The following MYO1D variants were observed in gnomAD, a reference collection of about 807,000 sequenced individuals.
MYO1D encodes the protein myosin ID.
In MYO1D, 83 loss-of-function variants were observed where a neutral mutation model predicts 122.0. That is an observed-to-expected ratio of 0.68 (90% confidence interval 0.57 to 0.82). The LOEUF (loss-of-function observed/expected upper bound fraction) is 0.82, where lower values mean the gene tolerates loss of function less well. MYO1D is among the 40% of genes least tolerant of loss of function. The probability of loss-of-function intolerance (pLI) is 0.00; values close to 1 mark genes in which losing one functional copy is unlikely to be tolerated. For synonymous variants in MYO1D, 464 were observed against 446.9 expected (o/e 1.04, Z -0.48); for missense variants, 1,157 against 1,269.5 (o/e 0.91, Z 1.35).
chr17:32,649,955 A>G (rs2088365330), intron 19 of MYO1D, among the ~76,000 whole-genome samples: 1 of 152,200 alleles, frequency 6.6e-6, no homozygotes, highest in South Asian at 2.1e-4. Context: ...TTATGCTGCC[A>G]TAAACATTGG....
chr17:32,556,648 G>A (rs2087071044), intron 21 of MYO1D, among the ~76,000 whole-genome samples: 1 of 151,306 alleles, frequency 6.6e-6, no homozygotes, highest in African/African-American at 2.4e-5. Flanking sequence ...GCCTCCCAAA[G>A]TGTCTGGATT....
chr17:32,716,526 C>T (rs2089449091), intron 15 of MYO1D, among the ~76,000 whole-genome samples: 1 of 152,148 alleles, frequency 6.6e-6, no homozygotes, highest in African/African-American at 2.4e-5. Context: ...CATTTAAAGC[C>T]TACTCACTTG....
chr17:32,765,562 C>A (rs1461586650), intron 7 of MYO1D, among the ~76,000 whole-genome samples: 1 of 151,928 alleles, frequency 6.6e-6, no homozygotes, highest in Non-Finnish European at 1.5e-5. Flanking sequence ...GGGTTCACGC[C>A]ATTCTCCTGC....
In MYO1D at chr17:32,711,327, C is replaced by T. The variant is rs552876654; in HGVS notation, c.2121+661G>A. ...AAGGAGGCAATTTCAAACATGTTGG[C>T]AACATTTTTTACTTACAAGATTTAA... On this transcript the variant is annotated intron_variant, in intron 16 of 21. Transcript: ENST00000318217. Among the ~76,000 whole-genome samples the T allele has an allele frequency of 1.1e-4, 17 of 152,252 alleles. 1 individual carries two copies. The South Asian group carries it at 2.5e-3, about 22-fold the overall frequency.
chr17:32,815,431 T>C (rs1459471196), intron 1 of MYO1D, among the ~76,000 whole-genome samples: 1 of 152,206 alleles, frequency 6.6e-6, no homozygotes, highest in African/African-American at 2.4e-5. Flanking sequence ...GGCTCAAGAA[T>C]TGTGAGAACT....
At chr17:32,611,447 G>C (rs1342607124) in intron 20 of MYO1D, among the ~76,000 whole-genome samples, 1 of 147,856 alleles carries the variant, frequency 6.8e-6, no homozygotes, top group Non-Finnish European at 1.5e-5. Flanking sequence ...AGAAGTTTTA[G>C]ACCTGTAGAA....
intron 15 of MYO1D, among the ~76,000 whole-genome samples, chr17:32,712,640 C>T (rs2089393171): frequency 6.6e-6 from 1 of 152,094 alleles, no homozygotes; most frequent in Non-Finnish European, 1.5e-5. Flanking sequence ...ATGTAACTTT[C>T]CTCAAAGGAA....
chr17:32,561,199 C>T (rs534574773), intron 21 of MYO1D, among the ~76,000 whole-genome samples: 1 of 152,230 alleles, frequency 6.6e-6, no homozygotes, highest in Admixed American at 6.5e-5. Context: ...GTGTGAGCCA[C>T]AAAGCCCAGT....
chr17:32,816,696 T>C (rs907529933), intron 1 of MYO1D, among the ~76,000 whole-genome samples: 9 of 151,392 alleles, frequency 5.9e-5, no homozygotes, highest in Non-Finnish European at 1.0e-4. Flanking sequence ...AGTTACTTCA[T>C]TGTTTTTATA....
At chr17:32,554,425 T>C (rs537147231) in intron 21 of MYO1D, among the ~76,000 whole-genome samples, 6 of 152,320 alleles carry the variant, frequency 3.9e-5, no homozygotes, top group African/African-American at 1.4e-4. Context: ...TCAGTTATCT[T>C]TGAAATACAG....
chr17:32,873,289 T>G (rs1026291565), intron 1 of MYO1D, among the ~76,000 whole-genome samples: 1 of 152,188 alleles, frequency 6.6e-6, no homozygotes, highest in East Asian at 1.9e-4. Context: ...CCTTGAGTGC[T>G]TGACTATTAC....
intron 4 of MYO1D, among the ~76,000 whole-genome samples, chr17:32,774,641 T>C (rs765376444): frequency 6.6e-6 from 1 of 152,176 alleles, no homozygotes; most frequent in East Asian, 1.9e-4. Context: ...TATGAGTTCA[T>C]TCAAAAGGAT....
In MYO1D at chr17:32,492,798, A is replaced by G. The variant is rs1311476420; in HGVS notation, c.*1961T>C. The G allele has an allele frequency of 6.6e-6, 1 of 152,528 alleles. No individual in the cohort carries two copies. The highest frequency in any genetic ancestry group is 2.4e-5 in the African/African-American group (1 of 41,416). 9.4% of individuals were successfully genotyped at this position (152,528 alleles called of 1,614,324 possible). A position where few individuals can be genotyped will look rare whatever the true frequency, so the allele number is the denominator to read the frequency against. The stretch of plus-strand genomic sequence containing the variant: ...TCAGCGCCCGGGACACGTGACCGAG[A>G]TCATACCCTAAATTCCTGATCCTTT... On this transcript the variant is annotated 3_prime_UTR_variant, in exon 22 of 22. Coordinates refer to ENST00000318217, the MANE Select transcript of MYO1D (RefSeq NM_015194.3).
At chr17:32,795,411 A>C (rs62070168) in intron 1 of MYO1D, among the ~76,000 whole-genome samples, 4 of 150,932 alleles carry the variant, frequency 2.7e-5, no homozygotes, top group Non-Finnish European at 5.9e-5. Flanking sequence ...GGTTCTATTT[A>C]AATTTTTTTT....
intron 21 of MYO1D, among the ~76,000 whole-genome samples, chr17:32,595,536 C>T (rs749689728): frequency 1.3e-5 from 2 of 152,118 alleles, no homozygotes; most frequent in African/African-American, 4.8e-5. Context: ...TTTTTCCTTT[C>T]TTTCATACAG....
chr17:32,625,743 C>T (rs2087919517), intron 20 of MYO1D, among the ~76,000 whole-genome samples: 1 of 152,120 alleles, frequency 6.6e-6, no homozygotes, highest in African/African-American at 2.4e-5. Context: ...GTTGCCCAGG[C>T]TGGTCTCAAA....
chr17:32,720,340 G>C (rs963578812), intron 15 of MYO1D, among the ~76,000 whole-genome samples: 5 of 152,050 alleles, frequency 3.3e-5, no homozygotes, highest in South Asian at 4.2e-4. Flanking sequence ...CAAGTGTTTT[G>C]TATATATTAT....
chr17:32,684,513 T>C (rs1473726939), intron 16 of MYO1D, among the ~76,000 whole-genome samples: 3 of 152,208 alleles, frequency 2.0e-5, no homozygotes, highest in Non-Finnish European at 4.4e-5. Flanking sequence ...TTGAATAGAC[T>C]AAATATCTTT....
chr17:32,850,415 C>T (rs1407859982), intron 1 of MYO1D, among the ~76,000 whole-genome samples: 2 of 152,162 alleles, frequency 1.3e-5, no homozygotes, highest in African/African-American at 4.8e-5. Context: ...ACTCTTTCAC[C>T]ATGGGTACAA....
Sources: gnomAD v4.1 joint callset for allele counts (sites outside exome capture counted in the v4.1 genomes callset) on GRCh38, gnomAD v4.1.1 for gene constraint, MANE v1.5 for transcripts, NCBI Gene and HGNC (gene_info 2026-07-23, HGNC 2026-07-21) for gene names.